Variants in SLCO6A1 observed in about 807,000 individuals in gnomAD.
SLCO6A1 encodes the protein cancer/testis antigen 48.
Under a neutral mutation model 72.7 loss-of-function variants are expected in SLCO6A1, and 65 were observed. That is an observed-to-expected ratio of 0.89 (90% CI 0.73 to 1.10). SLCO6A1 has a LOEUF of 1.10. SLCO6A1 is among the 50% of genes least tolerant of loss of function. The pLI is 0.00. For synonymous variants in SLCO6A1, 314 were observed against 298.2 expected, an observed-to-expected ratio of 1.05 and a Z score of -0.55; for missense variants, 874 against 872.6, an observed-to-expected ratio of 1.00 and a Z score of -0.02.
chr5:102,456,598 A>C (rs952448832), intron 6 of SLCO6A1, among the ~76,000 whole-genome samples: 11 of 152,196 alleles, frequency 7.2e-5, no homozygotes, highest in African/African-American at 2.4e-4. Flanking sequence ...CAACGAAATA[A>C]AAGAGGATAC....
intron 11 of SLCO6A1, among the ~76,000 whole-genome samples, chr5:102,390,375 C>A (rs1332194188): frequency 6.6e-6 from 1 of 152,142 alleles, no homozygotes; most frequent in Admixed American, 6.6e-5. Flanking sequence ...TAGAATTTCT[C>A]TGATCTCTAT....
At chr5:102,418,190 AGTATAT>A (rs758547849) in intron 8 of SLCO6A1, among the ~76,000 whole-genome samples, 4 of 151,984 alleles carry the variant, frequency 2.6e-5, no homozygotes, top group Non-Finnish European at 4.4e-5. Context: ...TTATACATAA[AGTATAT>A]GTATATGTAT....
Position 102,459,652 on chromosome 5 carries a change from T to A in SLCO6A1, c.1021+4A>T, listed in dbSNP as rs1414126778. 1 of 1,576,932 alleles carries A rather than the reference T, an allele frequency of 6.3e-7. No individual in the cohort carries two copies. Among genetic ancestry groups the A allele is most frequent in the Non-Finnish European group, 8.6e-7 (1 of 1,168,984 alleles). ...CAATTTAATAAATTACATTTTATAG[T>A]CACCTGGCATATTGTTTGGAAAGCA... On this transcript the variant is annotated splice_donor_region_variant and intron_variant, in intron 5 of 13. Transcript: ENST00000506729.
chr5:102,374,382 A>G (rs1449949632), intron 12 of SLCO6A1, among the ~76,000 whole-genome samples: 2 of 151,990 alleles, frequency 1.3e-5, no homozygotes, highest in African/African-American at 4.8e-5. Context: ...GCTTACTGCA[A>G]CCTGAACTGC....
chr5:102,470,046 G>A (rs1186927868), intron 4 of SLCO6A1, among the ~76,000 whole-genome samples: 1 of 152,110 alleles, frequency 6.6e-6, no homozygotes, highest in Non-Finnish European at 1.5e-5. Flanking sequence ...ATGTGCTGCT[G>A]GATTCAGTTT....
At chr5:102,481,357 T>C (rs1280314016) in intron 1 of SLCO6A1, among the ~76,000 whole-genome samples, 1 of 152,188 alleles carries the variant, frequency 6.6e-6, no homozygotes, top group Non-Finnish European at 1.5e-5. Context: ...ATCACATTTA[T>C]TCCTGAGCAT....
chr5:102,454,169 C>A (rs991906204), intron 6 of SLCO6A1, among the ~76,000 whole-genome samples: 6 of 152,162 alleles, frequency 3.9e-5, no homozygotes, highest in African/African-American at 1.4e-4. Context: ...TTGCTGACTA[C>A]AATGTCCCAG....
intron 7 of SLCO6A1, among the ~76,000 whole-genome samples, chr5:102,432,137 T>A (rs1749254211): frequency 6.6e-6 from 1 of 152,224 alleles, no homozygotes; most frequent in African/African-American, 2.4e-5. Flanking sequence ...TGTCATTGTA[T>A]GTGAGACACA....
intron 7 of SLCO6A1, among the ~76,000 whole-genome samples, chr5:102,429,583 T>C (rs1463430516): frequency 6.6e-6 from 1 of 152,236 alleles, no homozygotes; most frequent in African/African-American, 2.4e-5. Flanking sequence ...TTGCTTGTTT[T>C]AGTCAGGTTT....
chr5:102,374,107 G>A lies in SLCO6A1; in HGVS notation c.2018-613C>T, dbSNP rs557437655. 1.9e-4 allele frequency among the ~76,000 whole-genome samples: 29 copies of A among 150,786 alleles called. No homozygotes were observed. The South Asian group carries it at 6.1e-3, about 32-fold the overall frequency. ...GGCTGGAGTGCAGTGGCACGATCTT[G>A]GCTTACTGCAGCCTTGACCTTCCCG... On this transcript the variant is annotated intron_variant, in intron 12 of 13. Transcript: ENST00000506729.
rs1456333507 is a variant in SLCO6A1 at position 102,388,726 on chromosome 5, T to C, written c.1979A>G (p.Tyr660Cys). Residue 660 changes from tyrosine (Y) to cysteine (C), a missense_variant, in exon 12 of 14, where the codon TAT (tyrosine) becomes TGT (cysteine). Tyr to Cys is a radical substitution (Grantham distance 194, BLOSUM62 -2). Coordinates refer to ENST00000506729, the MANE Select transcript of SLCO6A1 (RefSeq NM_173488.5). ...TAAGAAAGCCATTTTTGTCTTGTTA[T>C]ATATCCAACAACGTCCTGTGTGTCC... Reference protein sequence around the residue: ...KCGHTGRCWIYNKTKMAFLLV... With the variant: ...KCGHTGRCWICNKTKMAFLLV... The C allele has an allele frequency of 1.9e-6, 3 of 1,600,092 alleles. No homozygotes were observed. The highest frequency in any genetic ancestry group is 2.6e-6 in the Non-Finnish European group (3 of 1,175,152).
At chr5:102,455,232 G>A (rs965019558) in intron 6 of SLCO6A1, among the ~76,000 whole-genome samples, 1 of 151,852 alleles carries the variant, frequency 6.6e-6, no homozygotes, top group African/African-American at 2.4e-5. Flanking sequence ...TGGCTGGAAT[G>A]TGGAGGACAG....
chr5:102,470,938 T>C (rs1395789543), intron 4 of SLCO6A1, among the ~76,000 whole-genome samples: 1 of 152,048 alleles, frequency 6.6e-6, no homozygotes, highest in African/African-American at 2.4e-5. Flanking sequence ...TTCTCGATTG[T>C]TTTTTGTGCT....
chr5:102,459,619 C>T (rs1718925449), intron 5 of SLCO6A1, 37 bp downstream of exon 5: 1 of 1,546,496 alleles, frequency 6.5e-7, no homozygotes, highest in African/African-American at 1.4e-5. Flanking sequence ...GAAGAAACTA[C>T]TATCCTCCAA....
At position 102,447,215 on chromosome 5, in the gene SLCO6A1, C is replaced by G. The variant is rs563747473; in HGVS notation, c.1132-8454G>C. Among the ~76,000 whole-genome samples, 11 of 152,260 alleles carry G rather than the reference C, an allele frequency of 7.2e-5. No individual in the cohort carries two copies. In the South Asian group the frequency reaches 8.3e-4, roughly 11 times the overall value. ...AACCTTGCATCCCAGAAATAAAAGC[C>G]TACTCAATTGTGGTGGTTTAGTTTT... On this transcript the variant is annotated intron_variant, in intron 6 of 13. Coordinates refer to ENST00000506729, the MANE Select transcript of SLCO6A1 (RefSeq NM_173488.5).
At chr5:102,423,470 G>T (rs1748719330) in intron 7 of SLCO6A1, among the ~76,000 whole-genome samples, 1 of 152,072 alleles carries the variant, frequency 6.6e-6, no homozygotes, top group Admixed American at 6.6e-5. Flanking sequence ...AGCAGTGGTT[G>T]CAGTCCTAGT....
intron 4 of SLCO6A1, among the ~76,000 whole-genome samples, chr5:102,468,274 G>A (rs1445262145): frequency 6.6e-6 from 1 of 152,090 alleles, no homozygotes; most frequent in Non-Finnish European, 1.5e-5. Flanking sequence ...CTTGGAGAAT[G>A]TTCCATGTGC....
At chr5:102,402,563 T>C (rs1747458128) in intron 9 of SLCO6A1, among the ~76,000 whole-genome samples, 2 of 152,180 alleles carry the variant, frequency 1.3e-5, no homozygotes, top group African/African-American at 4.8e-5. Context: ...GCAAGTCTAA[T>C]ATGAAGATGG....
chr5:102,374,953 T>C lies in SLCO6A1; in HGVS notation c.2018-1459A>G, dbSNP rs540151052. On this transcript the variant is annotated intron_variant, in intron 12 of 13. Transcript: ENST00000506729. ...AGCTGATGAAGAAATGAGAAAGAGA[T>C]AGATTAATATCCAAGGCAGGGCAGA... Among the ~76,000 whole-genome samples the C allele has an allele frequency of 9.9e-5, 15 of 152,218 alleles. No individual in the cohort carries two copies. In the South Asian group the frequency reaches 2.1e-3, roughly 21 times the overall value.
Sources: allele counts gnomAD v4.1 joint callset (sites outside exome capture counted in the v4.1 genomes callset), GRCh38; gene constraint gnomAD v4.1.1; transcripts MANE v1.5; gene names NCBI Gene and HGNC (gene_info 2026-07-23, HGNC 2026-07-21).